CDH2: variants seen among roughly 807,000 people sequenced by gnomAD.
CDH2 encodes cadherin-2.
A neutral mutation model predicts 92.0 loss-of-function variants in CDH2; 17 were observed. That is an observed-to-expected ratio of 0.18 (90% CI 0.13 to 0.28). CDH2 has a LOEUF of 0.28. Among genes scored for constraint, CDH2 ranks in the 10% least tolerant of loss-of-function variants. CDH2 has a pLI of 1.00. For synonymous variants in CDH2, 419 were observed against 415.9 expected, an observed-to-expected ratio of 1.01 and a Z score of -0.09; for missense variants, 862 against 1,133.1, an observed-to-expected ratio of 0.76 and a Z score of 3.44.
At chr18:28,148,509 A>G (rs1266533295) in intron 1 of CDH2, among the ~76,000 whole-genome samples, 2 of 152,144 alleles carry the variant, frequency 1.3e-5, no homozygotes, top group African/African-American at 4.8e-5. Context: ...CTAACCCTCC[A>G]AGTTAGTTGC....
At chr18:27,949,646 T>C (rs1450418809), downstream of CDH2, among the ~76,000 whole-genome samples, 5 of 151,982 alleles carry the variant, frequency 3.3e-5, no homozygotes, top group Admixed American at 6.6e-5. Context: ...AAAATCATTA[T>C]GGACATGTGT....
At chr18:28,055,586 A>G (rs1043549800) in intron 2 of CDH2, among the ~76,000 whole-genome samples, 3 of 152,202 alleles carry the variant, frequency 2.0e-5, no homozygotes, top group African/African-American at 7.2e-5. Context: ...GTATATCTAT[A>G]TATGTCTGTA....
At chr18:28,112,805 G>C (rs915269693) in intron 2 of CDH2, among the ~76,000 whole-genome samples, 3 of 152,004 alleles carry the variant, frequency 2.0e-5, no homozygotes, top group Non-Finnish European at 2.9e-5. Context: ...ACACTCTAAG[G>C]CTCCTTATTT....
At chr18:28,043,495 A>AATAAAT (rs2014002078) in intron 2 of CDH2, among the ~76,000 whole-genome samples, 1 of 87,404 alleles carries the variant, frequency 1.1e-5, no homozygotes, top group Non-Finnish European at 2.3e-5. Context: ...TATATATATA[A>AATAAAT]ATATATATAT....
chr18:28,073,068 A>C (rs932060796), intron 2 of CDH2, among the ~76,000 whole-genome samples: 1 of 152,158 alleles, frequency 6.6e-6, no homozygotes, highest in African/African-American at 2.4e-5. Flanking sequence ...AAATATAATC[A>C]TTTTATAGAT....
intron 2 of CDH2, among the ~76,000 whole-genome samples, chr18:28,089,969 T>G (rs1053895598): frequency 6.6e-6 from 1 of 152,206 alleles, no homozygotes; most frequent in African/African-American, 2.4e-5. Flanking sequence ...ACTGTTTTAT[T>G]ACATCCTTAG....
chr18:27,967,589 ACTT>A (rs1270805666), intron 14 of CDH2, among the ~76,000 whole-genome samples: 2 of 152,234 alleles, frequency 1.3e-5, no homozygotes. Flanking sequence ...TACAATGTTA[ACTT>A]CCCAAAGAAA....
At chr18:28,149,017 T>C (rs540198705) in intron 1 of CDH2, among the ~76,000 whole-genome samples, 101 of 152,318 alleles carry the variant, frequency 6.6e-4, no homozygotes, top group African/African-American at 2.4e-3. Flanking sequence ...GCCCATCGAA[T>C]GAGTAAGCAG....
chr18:28,091,392 T>C (rs2144212103), intron 2 of CDH2, among the ~76,000 whole-genome samples: 1 of 152,316 alleles, frequency 6.6e-6, no homozygotes, highest in South Asian at 2.1e-4. Context: ...TCCCTTTAGT[T>C]CAGTTAGCTA....
intron 1 of CDH2, among the ~76,000 whole-genome samples, chr18:28,176,086 A>G (rs973807071): frequency 2.0e-5 from 3 of 152,164 alleles, no homozygotes; most frequent in Admixed American, 6.5e-5. Flanking sequence ...CCCGGACTGG[A>G]GCAGGTGCTT....
chr18:28,119,883 G>C (rs1430352135), intron 2 of CDH2, among the ~76,000 whole-genome samples: 1 of 151,896 alleles, frequency 6.6e-6, no homozygotes, highest in Admixed American at 6.6e-5. Context: ...CCTGCTGCTT[G>C]GACAGTGAAC....
chr18:28,042,781 C>T (rs997497626), intron 2 of CDH2, among the ~76,000 whole-genome samples: 1 of 152,068 alleles, frequency 6.6e-6, no homozygotes, highest in African/African-American at 2.4e-5. Context: ...TTTAGGATCT[C>T]GTCTTTTCCA....
At chr18:28,123,020 T>TGTTTTAACACTTTTTATATAAGA (rs2015617926) in intron 2 of CDH2, among the ~76,000 whole-genome samples, 1 of 152,128 alleles carries the variant, frequency 6.6e-6, no homozygotes, top group Admixed American at 6.6e-5. Flanking sequence ...GCCAACAAGG[T>TGTTTTAACACTTTTTATATAAGA]GACAAATTGT....
intron 2 of CDH2, among the ~76,000 whole-genome samples, chr18:28,133,496 C>T (rs1423841727): frequency 6.8e-6 from 1 of 147,018 alleles, no homozygotes; most frequent in Admixed American, 7.0e-5. Context: ...GCAGGAGAAT[C>T]GCTTGAACCT....
At chr18:27,982,474 A>T (rs941345111) in intron 14 of CDH2, among the ~76,000 whole-genome samples, 1 of 152,216 alleles carries the variant, frequency 6.6e-6, no homozygotes, top group African/African-American at 2.4e-5. Flanking sequence ...TAAGACTCTT[A>T]AGGATAGATA....
At chr18:27,941,849 G>A (rs1567929443) in intron 6 of CDH2, among the ~76,000 whole-genome samples, 1 of 152,084 alleles carries the variant, frequency 6.6e-6, no homozygotes, top group African/African-American at 2.4e-5. Flanking sequence ...CAATTTAATC[G>A]ATTTTCAGAA....
chr18:27,970,273 T>C (rs1407734631), intron 14 of CDH2, among the ~76,000 whole-genome samples: 2 of 152,170 alleles, frequency 1.3e-5, no homozygotes, highest in Non-Finnish European at 2.9e-5. Flanking sequence ...GACAAAAGTA[T>C]AGCCATCTAA....
rs146638697 is a variant in CDH2 at position 28,065,218 on chromosome 18, CCT to C, written c.173-51311_173-51310del. Among the ~76,000 whole-genome samples, 11 of 152,204 alleles carry C rather than the reference CCT, an allele frequency of 7.2e-5. No individual in the cohort carries two copies. In the East Asian group the frequency reaches 2.1e-3, roughly 29 times the overall value. ...ACTCATTCACCAAGGGTTTTTATCCCCTGTTGACATTTCATTGTTAAGAGATG... is the reference window on the plus strand; with the variant it reads ...ACTCATTCACCAAGGGTTTTTATCCCGTTGACATTTCATTGTTAAGAGATG... On this transcript the variant is annotated intron_variant, in intron 2 of 15. Coordinates refer to ENST00000269141, the MANE Select transcript of CDH2 (RefSeq NM_001792.5).
chr18:28,100,669 C>T (rs752428545), intron 2 of CDH2, among the ~76,000 whole-genome samples: 62 of 151,656 alleles, frequency 4.1e-4, no homozygotes, highest in Non-Finnish European at 7.9e-4. Flanking sequence ...CTGTGGTCTT[C>T]AGTCTAGCTT....
Sources: allele counts gnomAD v4.1 joint callset (sites outside exome capture counted in the v4.1 genomes callset), GRCh38; gene constraint gnomAD v4.1.1; transcripts MANE v1.5; gene names NCBI Gene and HGNC (gene_info 2026-07-23, HGNC 2026-07-21).